Variants in SIL1 observed in about 807,000 individuals in gnomAD.
The protein encoded by SIL1 is SIL1 nucleotide exchange factor.
In SIL1, 40 loss-of-function variants were observed where a neutral mutation model predicts 49.1. That is an observed-to-expected ratio of 0.81 (90% CI 0.63 to 1.06). The LOEUF (loss-of-function observed/expected upper bound fraction) is 1.06. SIL1 is among the 50% of genes least tolerant of loss of function. The probability of loss-of-function intolerance (pLI) is 0.00; values close to 1 mark genes in which losing one functional copy is unlikely to be tolerated. For missense variants in SIL1, 500 were observed against 572.6 expected (o/e 0.87, Z 1.29); for synonymous variants, 253 against 250.8 (o/e 1.01, Z -0.08).
At position 139,197,697 on chromosome 5, in the gene SIL1, A is replaced by G. The variant is rs141455763; in HGVS notation, c.-11+572T>C. Among the ~76,000 whole-genome samples, 466 of 152,234 alleles carry G rather than the reference A, an allele frequency of 3.1e-3. 1 individual carries two copies. The highest frequency in any genetic ancestry group is 0.011 in the African/African-American group (442 of 41,540). On this transcript the variant is annotated intron_variant, in intron 1 of 9. Coordinates refer to ENST00000394817, the MANE Select transcript of SIL1 (RefSeq NM_022464.5). Reference sequence around the variant, plus strand: ...AAGCCAGGATTCCGGGACCACCTGAATGAGAACCCCCTGGGGTACAGCTGC... The same window carrying G: ...AAGCCAGGATTCCGGGACCACCTGAGTGAGAACCCCCTGGGGTACAGCTGC...
chr5:138,951,951 G>A (rs556970728), intron 7 of SIL1, 67 bp from the exon 8 acceptor site: 1 of 1,391,242 alleles, frequency 7.2e-7, no homozygotes, highest in Non-Finnish European at 1.0e-6. Flanking sequence ...TCAGGGAACT[G>A]AGCCCATGTC....
intron 1 of SIL1, among the ~76,000 whole-genome samples, chr5:139,160,918 G>A (rs1254743308): frequency 6.6e-6 from 1 of 152,084 alleles, no homozygotes; most frequent in East Asian, 1.9e-4. Flanking sequence ...GAAGGATAGG[G>A]GATAGTCAGT....
chr5:138,988,485 T>C (rs1767688541), intron 7 of SIL1, among the ~76,000 whole-genome samples: 1 of 152,204 alleles, frequency 6.6e-6, no homozygotes, highest in African/African-American at 2.4e-5. Flanking sequence ...CCTCCTTCGT[T>C]TAAACAATAA....
At chr5:139,176,525 A>C (rs1388783255) in intron 1 of SIL1, among the ~76,000 whole-genome samples, 1 of 152,220 alleles carries the variant, frequency 6.6e-6, no homozygotes. Flanking sequence ...AAAATATTTT[A>C]GACTGGATAA....
intron 7 of SIL1, among the ~76,000 whole-genome samples, chr5:138,983,400 C>T (rs575855459): frequency 1.3e-5 from 2 of 148,974 alleles, no homozygotes; most frequent in African/African-American, 2.5e-5. Context: ...CCCAGGTACT[C>T]GGGAGGCTGA....
intron 7 of SIL1, among the ~76,000 whole-genome samples, chr5:138,989,718 G>A (rs1767717775): frequency 6.6e-6 from 1 of 152,182 alleles, no homozygotes; most frequent in South Asian, 2.1e-4. Flanking sequence ...AGGGGAAACT[G>A]CAGCTCATTT....
intron 1 of SIL1, among the ~76,000 whole-genome samples, chr5:139,186,613 C>T (rs1377369668): frequency 6.6e-6 from 1 of 152,206 alleles, no homozygotes; most frequent in Admixed American, 6.5e-5. Flanking sequence ...GCCTACCATT[C>T]TCTGTTGCCT....
chr5:139,001,348 T>G (rs1767980370), intron 7 of SIL1, among the ~76,000 whole-genome samples: 2 of 152,274 alleles, frequency 1.3e-5, no homozygotes, highest in Admixed American at 6.5e-5. Context: ...CAATTCTACT[T>G]TAAGGCATAT....
At chr5:139,027,466 G>C (rs1350500297) in intron 5 of SIL1, among the ~76,000 whole-genome samples, 1 of 152,090 alleles carries the variant, frequency 6.6e-6, no homozygotes, top group Non-Finnish European at 1.5e-5. Context: ...GAAAACTATG[G>C]GTAAGAGCTG....
chr5:139,026,915 G>T lies in SIL1; in HGVS notation c.531C>A (p.Val177=). ...CCATGATCTGCATGTCAGTCTCAATGACAACATTCAGCTCATCAAAGTCTT... is the reference window on the plus strand; with the variant it reads ...CCATGATCTGCATGTCAGTCTCAATTACAACATTCAGCTCATCAAAGTCTT... ...LKKDFDELNV[V]IETDMQIMVR... is the part of the protein sequence containing the mutation. The change falls in exon 6 of 10, where the codon GTC becomes GTA. Residue 177 remains valine, a synonymous_variant. Coordinates refer to ENST00000394817, the MANE Select transcript of SIL1 (RefSeq NM_022464.5). The T allele has an allele frequency of 1.2e-6, 2 of 1,614,180 alleles. No individual in the cohort carries two copies. Among genetic ancestry groups the T allele is most frequent in the Non-Finnish European group, 1.7e-6 (2 of 1,180,012 alleles).
intron 1 of SIL1, among the ~76,000 whole-genome samples, chr5:139,184,835 G>A (rs1752050727): frequency 1.3e-5 from 2 of 152,180 alleles, no homozygotes; most frequent in East Asian, 1.9e-4. Context: ...GGAGCAGAGA[G>A]GCCAAGCTGT....
chr5:139,025,097 C>T (rs746792714), intron 6 of SIL1, among the ~76,000 whole-genome samples: 4 of 152,230 alleles, frequency 2.6e-5, no homozygotes, highest in Non-Finnish European at 4.4e-5. Flanking sequence ...TCTGCTTCTG[C>T]TAGAAGGTTA....
chr5:139,060,523 A>AT (rs78155592), intron 3 of SIL1, among the ~76,000 whole-genome samples: 2,469 of 140,690 alleles, frequency 0.018, 42 homozygotes, highest in African/African-American at 0.049. Flanking sequence ...TAGTCCTCCA[A>AT]TTTTTTTTTT....
At chr5:139,175,030 G>A (rs1216449585) in intron 1 of SIL1, among the ~76,000 whole-genome samples, 1 of 148,910 alleles carries the variant, frequency 6.7e-6, no homozygotes, top group Non-Finnish European at 1.5e-5. Flanking sequence ...AGGATTATAA[G>A]AGTGTACTAG....
At chr5:139,052,936 C>T (rs983984948) in intron 3 of SIL1, among the ~76,000 whole-genome samples, 1 of 152,118 alleles carries the variant, frequency 6.6e-6, no homozygotes, top group African/African-American at 2.4e-5. Flanking sequence ...AGCCTGGGTT[C>T]ATATTCCTAG....
intron 5 of SIL1, chr5:139,035,705 G>T: frequency 4.3e-6 from 1 of 229,936 alleles, no homozygotes; most frequent in Non-Finnish European, 8.3e-6. Flanking sequence ...CTGGAGTGCA[G>T]CGGCGTGATC....
In SIL1 at chr5:139,054,794, G is replaced by C. The variant is rs146599304; in HGVS notation, c.245-3748C>G. ...TCCCTTCACATAAGCCACCACAGGG[G>C]GCAAGAGCAACCACAACAGCATTAA... On this transcript the variant is annotated intron_variant, in intron 3 of 9. Coordinates refer to ENST00000394817, the MANE Select transcript of SIL1 (RefSeq NM_022464.5). 1.4e-3 allele frequency among the ~76,000 whole-genome samples: 215 copies of C among 152,160 alleles called. 1 individual carries two copies. Among genetic ancestry groups the C allele is most frequent in the Middle Eastern group, 6.8e-3 (2 of 294 alleles).
At chr5:139,036,791 C>G (rs938023411) in intron 5 of SIL1, among the ~76,000 whole-genome samples, 1 of 152,076 alleles carries the variant, frequency 6.6e-6, no homozygotes, top group Non-Finnish European at 1.5e-5. Context: ...CAACAAACCC[C>G]TATGACACAA....
intron 3 of SIL1, among the ~76,000 whole-genome samples, chr5:139,102,541 T>C (rs1334044832): frequency 2.7e-5 from 4 of 147,120 alleles, no homozygotes; most frequent in Non-Finnish European, 6.0e-5. Context: ...AAAACAAACA[T>C]ATAAGAGCCA....
Sources: gnomAD v4.1 joint callset for allele counts (sites outside exome capture counted in the v4.1 genomes callset) on GRCh38, gnomAD v4.1.1 for gene constraint, MANE v1.5 for transcripts, NCBI Gene and HGNC (gene_info 2026-07-23, HGNC 2026-07-21) for gene names.